Variants in FOXR1 observed in about 807,000 individuals in gnomAD.
FOXR1 encodes forkhead box protein R1.
Under a neutral mutation model 34.5 loss-of-function variants are expected in FOXR1, and 25 were observed. The observed-to-expected ratio is 0.72, with a 90% CI of 0.53 to 1.01. The LOEUF is 1.01. Among genes scored for constraint, FOXR1 ranks in the 50% least tolerant of loss-of-function variants. The pLI is 0.00. For synonymous variants in FOXR1, 153 were observed against 141.6 expected, an observed-to-expected ratio of 1.08 and a Z score of -0.57; for missense variants, 373 against 376.2, an observed-to-expected ratio of 0.99 and a Z score of 0.07.
Position 118,979,121 on chromosome 11 carries a change from G to A in FOXR1, c.301G>A (p.Ala101Thr), listed in dbSNP as rs143117752. The change falls in exon 3 of 6, where the codon GCA becomes ACA. Residue 101 changes from alanine (A) to threonine (T), a missense_variant. By Grantham distance (58) the Ala-to-Thr change is moderately conservative (BLOSUM62 0). Transcript: ENST00000317011. ...GGAAGATGCCAGCTGCTCAGAGGCC[G>A]CAGGGGTGGAATCACTGTCCCAGTC... ...KEEDASCSEAAGVESLSQSSS... is the reference protein window; with the variant it reads ...KEEDASCSEATGVESLSQSSS... 1.9e-5 allele frequency: 30 copies of A among 1,604,582 alleles called. No homozygotes were observed. Among genetic ancestry groups the A allele is most frequent in the Admixed American group, 1.7e-4 (10 of 57,890 alleles).
chr11:118,980,266 G>T (rs536198595), intron 4 of FOXR1: 3 of 687,024 alleles, frequency 4.4e-6, no homozygotes, highest in Non-Finnish European at 8.0e-6. Context: ...TCATGCTGTG[G>T]TCCAAGCCCT....
Position 118,980,590 on chromosome 11 carries a change from A to C in FOXR1, c.712A>C (p.Met238Leu), listed in dbSNP as rs781926086. The C allele has an allele frequency of 4.3e-6, 7 of 1,614,248 alleles. No homozygotes were observed. Among genetic ancestry groups the C allele is most frequent in the Non-Finnish European group, 5.9e-6 (7 of 1,180,042 alleles). ...RDSFEKVPVS[M>L]QGGASTRPRS... Reference sequence around the variant, plus strand: ...CAGCTTTGAGAAAGTGCCTGTCAGCATGCAGGGCGGGGCCAGCACACGGCC... The same window carrying C: ...CAGCTTTGAGAAAGTGCCTGTCAGCCTGCAGGGCGGGGCCAGCACACGGCC... The change falls in exon 5 of 6, where the codon ATG becomes CTG. Residue 238 changes from methionine to leucine, a missense_variant. Physicochemically the swap from Met to Leu is conservative, Grantham distance 15. Transcript: ENST00000317011.
intron 1 of FOXR1, 115 bp downstream of exon 1, chr11:118,972,107 C>T: frequency 1.3e-6 from 1 of 799,266 alleles, no homozygotes; most frequent in Non-Finnish European, 1.8e-6. Flanking sequence ...CCCGGGGAGG[C>T]TTGGGGGGCC....
In FOXR1 at chr11:118,971,987, A is replaced by C; in HGVS notation, c.56A>C (p.Gln19Pro). The C allele has an allele frequency of 1.9e-6, 3 of 1,550,114 alleles. No homozygotes were observed. The highest frequency in any genetic ancestry group is 2.6e-6 in the Non-Finnish European group (3 of 1,146,046). Residue 19 changes from glutamine to proline, a missense_variant, in exon 1 of 6, where the codon CAG (glutamine) becomes CCG (proline). Coordinates refer to ENST00000317011, the MANE Select transcript of FOXR1 (RefSeq NM_181721.3). Reference protein sequence around the residue: ...FTTSHLPLAEQKLARYKLRIV... With the variant: ...FTTSHLPLAEPKLARYKLRIV... ...ACATCTCACCTCCCCTTAGCGGAGCAGAAACGTGAGTAGCGGGTGGGGTGA... is the reference window on the plus strand; with the variant it reads ...ACATCTCACCTCCCCTTAGCGGAGCCGAAACGTGAGTAGCGGGTGGGGTGA...
chr11:118,979,304 A>G, intron 3 of FOXR1, 100 bp downstream of exon 3: 1 of 1,495,458 alleles, frequency 6.7e-7, no homozygotes, highest in Non-Finnish European at 8.9e-7. Flanking sequence ...CAAAAGGTGA[A>G]TGGGTTCAGA....
In FOXR1 at chr11:118,979,721, C is replaced by T. The variant is rs1204559111; in HGVS notation, c.611+53C>T. On this transcript the variant is annotated intron_variant, in intron 4 of 5. Coordinates refer to ENST00000317011, the MANE Select transcript of FOXR1 (RefSeq NM_181721.3). ...GGGAAGTGGGGGCCAGGGCCCCGGG[C>T]TGATGCCTTCCAATCCATCCCAGGC... 4.7e-6 allele frequency: 7 copies of T among 1,479,346 alleles called. No individual in the cohort carries two copies. The African/African-American group carries it at 5.6e-5, about 12-fold the overall frequency. 91.6% of individuals were successfully genotyped at this position (1,479,346 alleles called of 1,614,324 possible).
intron 5 of FOXR1, 36 bp downstream of exon 5, chr11:118,980,764 G>A: frequency 6.3e-7 from 1 of 1,581,198 alleles, no homozygotes. Context: ...CCAAGGGGAA[G>A]AGACCTGAGG....
rs560972749 is a variant in FOXR1, at chr11:118,979,158, G to A, written c.338G>A (p.Arg113Gln). 285 of 1,561,624 alleles carry A rather than the reference G, an allele frequency of 1.8e-4. No homozygotes were observed. In the South Asian group the frequency reaches 3.1e-3, roughly 17 times the overall value. Residue 113 changes from arginine (R) to glutamine (Q), a missense_variant, in exon 3 of 6, where the codon CGG becomes CAG. Physicochemically the swap from Arg to Gln is conservative, Grantham distance 43. Transcript: ENST00000317011. The stretch of plus-strand genomic sequence containing the variant: ...TCACTGTCCCAGTCCTCCAGCAAGC[G>A]GTCTCCCCCTCGGAAGCGGTTTGCC... The part of the protein sequence containing the change: ...VESLSQSSSK[R>Q]SPPRKRFAFS...
rs1329487905 is a variant in FOXR1 at position 118,979,442 on chromosome 11, C to T, written c.385C>T (p.Leu129Phe). 4 of 1,604,490 alleles carry T rather than the reference C, an allele frequency of 2.5e-6. No homozygotes were observed. Among genetic ancestry groups the T allele is most frequent in the South Asian group, 1.1e-5 (1 of 89,740 alleles). The change falls in exon 4 of 6, where the codon CTC (leucine) becomes TTC (phenylalanine). Residue 129 changes from leucine to phenylalanine, a missense_variant and splice_region_variant. Coordinates refer to ENST00000317011, the MANE Select transcript of FOXR1 (RefSeq NM_181721.3). Reference sequence around the variant, plus strand: ...CAGTTCCTACTCTGTGCTCCTCTAGCTCACAGAAGAGGAGGAGGCTGAGGA... The same window carrying T: ...CAGTTCCTACTCTGTGCTCCTCTAGTTCACAGAAGAGGAGGAGGCTGAGGA... ...RFAFSPSTWE[L>F]TEEEEAEDQE... is the part of the protein sequence containing the mutation.
chr11:118,980,621 C>T lies in FOXR1; in HGVS notation c.743C>T (p.Ser248Phe), dbSNP rs1165748832. ...MQGGASTRPR[S>F]CLWKLTEEGH... ...GGCGGGGCCAGCACACGGCCTCGATCTTGCCTCTGGAAGTTGACCGAGGAG... is the reference window on the plus strand; with the variant it reads ...GGCGGGGCCAGCACACGGCCTCGATTTTGCCTCTGGAAGTTGACCGAGGAG... Residue 248 changes from serine (S) to phenylalanine (F), a missense_variant, in exon 5 of 6, where the codon TCT becomes TTT. Ser to Phe is a radical substitution (Grantham distance 155). Transcript: ENST00000317011. 2 of 1,614,258 alleles carry T rather than the reference C, an allele frequency of 1.2e-6. No homozygotes were observed. Among genetic ancestry groups the T allele is most frequent in the South Asian group, 1.1e-5 (1 of 91,090 alleles).
chr11:118,971,923 G>T lies in FOXR1; in HGVS notation c.-9G>T, dbSNP rs1322443438. The stretch of plus-strand genomic sequence containing the variant: ...CCATGGCCAGGTCCCGGGACTGCTG[G>T]ACTGGGACATGGGGAACGAGCTCTT... On this transcript the variant is annotated 5_prime_UTR_variant, in exon 1 of 6. Transcript: ENST00000317011. 6.4e-7 allele frequency: 1 copy of T among 1,556,012 alleles called. No individual in the cohort carries two copies. The highest frequency in any genetic ancestry group is 2.4e-5 in the East Asian group (1 of 41,590).
intron 4 of FOXR1, 40 bp from the exon 5 acceptor site, chr11:118,980,450 A>G: frequency 1.2e-6 from 2 of 1,602,756 alleles, no homozygotes; most frequent in African/African-American, 1.3e-5. Flanking sequence ...CATTCCCCAG[A>G]CATAACATGC....
chr11:118,979,587 A>G lies in FOXR1; in HGVS notation c.530A>G (p.Asn177Ser), dbSNP rs1465552770. 7 of 1,612,438 alleles carry G rather than the reference A, an allele frequency of 4.3e-6. No homozygotes were observed. Among genetic ancestry groups the G allele is most frequent in the African/African-American group, 1.3e-5 (1 of 74,958 alleles). ...AGRLWSRPPL[N>S]YFHLIALALR... ...AGGCTCTGGTCCCGGCCCCCTCTCA[A>G]TTACTTCCACCTAATTGCCCTGGCA... The change falls in exon 4 of 6, where the codon AAT (asparagine) becomes AGT (serine). Residue 177 changes from asparagine (N) to serine (S), a missense_variant. Transcript: ENST00000317011.
At position 118,978,825 on chromosome 11, in the gene FOXR1, C is replaced by T. The variant is rs1350083163; in HGVS notation, c.105C>T (p.Pro35=). ...GAATTGTTAAGCCACCAAAATTACCCCTAGAGAAAAAACCCAACCCTGATA... is the reference window on the plus strand; with the variant it reads ...GAATTGTTAAGCCACCAAAATTACCTCTAGAGAAAAAACCCAACCCTGATA... The part of the protein sequence containing the change: ...KLRIVKPPKL[P]LEKKPNPDKD... Residue 35 remains proline (P), a synonymous_variant, in exon 2 of 6, where the codon CCC becomes CCT. Coordinates refer to ENST00000317011, the MANE Select transcript of FOXR1 (RefSeq NM_181721.3). The T allele has an allele frequency of 6.2e-7, 1 of 1,614,154 alleles. No homozygotes were observed. The highest frequency in any genetic ancestry group is 2.2e-5 in the East Asian group (1 of 44,882).
At chr11:118,974,351 C>T (rs1941752906) in intron 1 of FOXR1, among the ~76,000 whole-genome samples, 1 of 152,210 alleles carries the variant, frequency 6.6e-6, no homozygotes, top group Non-Finnish European at 1.5e-5. Context: ...ACCACAGGCA[C>T]AGGCCACCAC....
At chr11:118,980,327 C>T (rs926487925) in intron 4 of FOXR1, 163 bp from the exon 5 acceptor site, 18 of 798,804 alleles carry the variant, frequency 2.3e-5, no homozygotes, top group Non-Finnish European at 3.5e-5. Flanking sequence ...CACGTGGATG[C>T]TTTGCCACGT....
chr11:118,980,603 C>T lies in FOXR1; in HGVS notation c.725C>T (p.Ala242Val). The T allele has an allele frequency of 1.2e-6, 2 of 1,614,254 alleles. No homozygotes were observed. Among genetic ancestry groups the T allele is most frequent in the Non-Finnish European group, 1.7e-6 (2 of 1,180,056 alleles). ...GTGCCTGTCAGCATGCAGGGCGGGG[C>T]CAGCACACGGCCTCGATCTTGCCTC... ...EKVPVSMQGG[A>V]STRPRSCLWK... Residue 242 changes from alanine (A) to valine (V), a missense_variant, in exon 5 of 6, where the codon GCC (alanine) becomes GTC (valine). Physicochemically the swap from Ala to Val is moderately conservative, Grantham distance 64. Transcript: ENST00000317011.
rs1277722696 is a variant in FOXR1, at chr11:118,978,761, CTCTG to C, written c.62-17_62-14del. ...GGATATTCTAGGATGTTTTGACTCT[CTCTG>C]TCTTTCTTTTTGCCAGTTGCCAGGT... On this transcript the variant is annotated splice_polypyrimidine_tract_variant and intron_variant, in intron 1 of 5. Coordinates refer to ENST00000317011, the MANE Select transcript of FOXR1 (RefSeq NM_181721.3). 41 of 1,613,544 alleles carry C rather than the reference CTCTG, an allele frequency of 2.5e-5. No homozygotes were observed. The highest frequency in any genetic ancestry group is 3.3e-5 in the Admixed American group (2 of 59,998).
intron 4 of FOXR1, among the ~76,000 whole-genome samples, chr11:118,979,948 C>G (rs1941833471): frequency 6.6e-6 from 1 of 151,966 alleles, no homozygotes. Context: ...GTAACAGTTT[C>G]CCCACCATCC....
Sources: allele counts gnomAD v4.1 joint callset (sites outside exome capture counted in the v4.1 genomes callset), GRCh38; gene constraint gnomAD v4.1.1; transcripts MANE v1.5; gene names NCBI Gene and HGNC (gene_info 2026-07-23, HGNC 2026-07-21).